GRM8: variants seen among roughly 807,000 people sequenced by gnomAD.
GRM8 encodes the protein glutamate metabotropic receptor 8, also known as metabotropic glutamate receptor 8.
Under a neutral mutation model 87.2 loss-of-function variants are expected in GRM8, and 47 were observed. That is an observed-to-expected ratio of 0.54 (90% confidence interval 0.43 to 0.69). The LOEUF (loss-of-function observed/expected upper bound fraction) is 0.69, where lower values mean the gene tolerates loss of function less well. Ranked by LOEUF, GRM8 falls within the 30% of genes least tolerant of loss-of-function variation. The pLI, the probability that GRM8 is intolerant of heterozygous loss-of-function variation, is 0.00. For missense variants in GRM8, 1,019 were observed against 1,139.2 expected (o/e 0.89, Z 1.52); for synonymous variants, 396 against 404.5 (o/e 0.98, Z 0.25).
chr7:127,128,727 G>A (rs2133213639), intron 2 of GRM8, among the ~76,000 whole-genome samples: 1 of 152,236 alleles, frequency 6.6e-6, no homozygotes, highest in African/African-American at 2.4e-5. Flanking sequence ...GTTTAAGCCA[G>A]AATCTGTCAG....
intron 3 of GRM8, among the ~76,000 whole-genome samples, chr7:126,933,320 A>T (rs1805956781): frequency 6.6e-6 from 1 of 152,246 alleles, no homozygotes; most frequent in Non-Finnish European, 1.5e-5. Flanking sequence ...GCAGGCAAAT[A>T]GTACATCCTG....
At chr7:126,686,007 A>G (rs1363385061) in intron 7 of GRM8, among the ~76,000 whole-genome samples, 2 of 151,564 alleles carry the variant, frequency 1.3e-5, no homozygotes, top group Non-Finnish European at 2.9e-5. Flanking sequence ...ACTCAGCCAG[A>G]CTCAAGCAGA....
intron 6 of GRM8, among the ~76,000 whole-genome samples, chr7:126,854,458 A>C (rs1797498255): frequency 6.6e-6 from 1 of 152,010 alleles, no homozygotes; most frequent in African/African-American, 2.4e-5. Context: ...GCTTGTTAAA[A>C]CTCACATCAT....
chr7:127,203,346 C>T (rs577052112), intron 2 of GRM8, among the ~76,000 whole-genome samples: 1 of 152,158 alleles, frequency 6.6e-6, no homozygotes, highest in Non-Finnish European at 1.5e-5. Flanking sequence ...ATAACAGATT[C>T]AATCACACTC....
At chr7:127,127,419 T>G (rs1827432361) in intron 2 of GRM8, among the ~76,000 whole-genome samples, 1 of 151,938 alleles carries the variant, frequency 6.6e-6, no homozygotes, top group Non-Finnish European at 1.5e-5. Flanking sequence ...ATAAACAAAC[T>G]GTGGTGTAGC....
chr7:126,573,335 T>C (rs1794839866), intron 8 of GRM8, among the ~76,000 whole-genome samples: 1 of 152,120 alleles, frequency 6.6e-6, no homozygotes, highest in Non-Finnish European at 1.5e-5. Flanking sequence ...AAATAAGTTG[T>C]ATATGTGAGA....
At chr7:126,590,702 G>C (rs1305343176) in intron 8 of GRM8, among the ~76,000 whole-genome samples, 1 of 152,150 alleles carries the variant, frequency 6.6e-6, no homozygotes, top group Non-Finnish European at 1.5e-5. Context: ...CACTAGAAGA[G>C]ATTGGGGCCC....
chr7:126,906,027 A>G (rs1802639163), intron 3 of GRM8, among the ~76,000 whole-genome samples: 1 of 152,200 alleles, frequency 6.6e-6, no homozygotes, highest in African/African-American at 2.4e-5. Flanking sequence ...GAGTGTTCAT[A>G]TGTTAAAACT....
At chr7:127,041,816 T>C (rs1015671101) in intron 3 of GRM8, among the ~76,000 whole-genome samples, 1 of 152,190 alleles carries the variant, frequency 6.6e-6, no homozygotes, top group Admixed American at 6.5e-5. Flanking sequence ...TTAGTGCTGG[T>C]TGGCTGGCAC....
intron 6 of GRM8, among the ~76,000 whole-genome samples, chr7:126,901,990 A>G (rs1802126934): frequency 6.7e-6 from 1 of 150,360 alleles, no homozygotes; most frequent in Admixed American, 6.6e-5. Flanking sequence ...CTGAAAATAA[A>G]TATAGTTTTA....
chr7:126,688,318 G>A (rs992808253), intron 7 of GRM8, among the ~76,000 whole-genome samples: 1 of 152,168 alleles, frequency 6.6e-6, no homozygotes, highest in African/African-American at 2.4e-5. Flanking sequence ...AATTAAAGGA[G>A]CAAGGATCTC....
At chr7:127,013,744 G>C (rs6954791) in intron 3 of GRM8, among the ~76,000 whole-genome samples, 2,139 of 152,132 alleles carry the variant, frequency 0.014, 47 homozygotes, top group African/African-American at 0.049. Context: ...TTTTGTTTTT[G>C]AGAGAATCCT....
At chr7:127,117,325 C>G (rs1826755309) in intron 2 of GRM8, among the ~76,000 whole-genome samples, 1 of 152,124 alleles carries the variant, frequency 6.6e-6, no homozygotes, top group South Asian at 2.1e-4. Context: ...TTCTGCACCT[C>G]TCAAGAGGAG....
At chr7:127,166,805 C>T (rs1396875204) in intron 2 of GRM8, among the ~76,000 whole-genome samples, 5 of 152,050 alleles carry the variant, frequency 3.3e-5, no homozygotes, top group Non-Finnish European at 5.9e-5. Flanking sequence ...CTGGATTGTT[C>T]TAGTTTAAAT....
chr7:126,877,849 T>C (rs1257373893), intron 6 of GRM8, among the ~76,000 whole-genome samples: 1 of 152,230 alleles, frequency 6.6e-6, no homozygotes, highest in Non-Finnish European at 1.5e-5. Flanking sequence ...GAAGAGTTGA[T>C]TGATAGTTGC....
chr7:126,726,823 A>G (rs1163168100), intron 7 of GRM8, among the ~76,000 whole-genome samples: 2 of 152,166 alleles, frequency 1.3e-5, no homozygotes, highest in East Asian at 1.9e-4. Context: ...AATCTAAAGA[A>G]AATTCTGACA....
chr7:126,582,815 A>G (rs1377028304), intron 8 of GRM8, among the ~76,000 whole-genome samples: 2 of 152,184 alleles, frequency 1.3e-5, no homozygotes, highest in African/African-American at 4.8e-5. Context: ...CAGGCTTTGT[A>G]GTTTCATGTA....
At position 126,770,462 on chromosome 7, in the gene GRM8, A is replaced by G. The variant is rs564728299; in HGVS notation, c.1157-397T>C. On this transcript the variant is annotated intron_variant, in intron 6 of 10. Coordinates refer to ENST00000339582, the MANE Select transcript of GRM8 (RefSeq NM_000845.3). The stretch of plus-strand genomic sequence containing the variant: ...AGGAGTGTCATTTATTAGTGGCCCA[A>G]AGTAAGGTCTTTCACCACCTACCAA... Among the ~76,000 whole-genome samples the G allele has an allele frequency of 6.6e-5, 10 of 152,130 alleles. 1 individual carries two copies. The South Asian group carries it at 2.1e-3, about 32-fold the overall frequency.
At chr7:126,468,684 A>C (rs1804796319) in intron 9 of GRM8, among the ~76,000 whole-genome samples, 1 of 152,132 alleles carries the variant, frequency 6.6e-6, no homozygotes. Context: ...CCAAAAAAGA[A>C]AGTTCCAACC....
Sources: gnomAD v4.1 joint callset for allele counts (sites outside exome capture counted in the v4.1 genomes callset) on GRCh38, gnomAD v4.1.1 for gene constraint, MANE v1.5 for transcripts, NCBI Gene and HGNC (gene_info 2026-07-23, HGNC 2026-07-21) for gene names.